Variants in BNC2 observed in about 807,000 individuals in gnomAD.
BNC2 encodes basonuclin zinc finger protein 2, also known as zinc finger protein basonuclin-2.
Under a neutral mutation model 76.3 loss-of-function variants are expected in BNC2, and 20 were observed. The ratio of observed to expected loss-of-function variants is 0.26; its 90% CI spans 0.18 to 0.38. BNC2 has a LOEUF of 0.38. Among genes scored for constraint, BNC2 ranks in the 10% least tolerant of loss-of-function variants. The probability of loss-of-function intolerance (pLI) is 1.00; values close to 1 mark genes in which losing one functional copy is unlikely to be tolerated. For missense variants in BNC2, 1,382 were observed against 1,399.8 expected (o/e 0.99, Z 0.20); for synonymous variants, 582 against 514.8 (o/e 1.13, Z -1.77).
chr9:16,605,239 T>C (rs1263016874), intron 3 of BNC2, among the ~76,000 whole-genome samples: 1 of 152,252 alleles, frequency 6.6e-6, no homozygotes, highest in East Asian at 1.9e-4. Context: ...ATATTTCTAC[T>C]TATTTGCATA....
At chr9:16,506,713 AC>A (rs1207677241) in intron 5 of BNC2, among the ~76,000 whole-genome samples, 2 of 146,984 alleles carry the variant, frequency 1.4e-5, no homozygotes, top group Non-Finnish European at 3.0e-5. Flanking sequence ...TTTAGTTGAG[AC>A]GGGGTTTCAC....
At chr9:16,779,079 G>C (rs1826046480) in intron 1 of BNC2, among the ~76,000 whole-genome samples, 1 of 117,234 alleles carries the variant, frequency 8.5e-6, no homozygotes. Flanking sequence ...AGGAGTTCAA[G>C]ACCAACCTAG....
chr9:16,525,153 T>G (rs1040684048), intron 5 of BNC2, among the ~76,000 whole-genome samples: 8 of 145,936 alleles, frequency 5.5e-5, no homozygotes, highest in African/African-American at 1.6e-4. Flanking sequence ...GATAACTAGA[T>G]AACATTAACT....
At chr9:16,638,499 CA>C (rs796783309) in intron 3 of BNC2, among the ~76,000 whole-genome samples, 38 of 151,996 alleles carry the variant, frequency 2.5e-4, no homozygotes, top group African/African-American at 9.2e-4. Flanking sequence ...GTTAAACACC[CA>C]AAAAAAGTCT....
intron 3 of BNC2, among the ~76,000 whole-genome samples, chr9:16,634,395 A>C (rs1821253915): frequency 6.6e-6 from 1 of 152,198 alleles, no homozygotes; most frequent in African/African-American, 2.4e-5. Flanking sequence ...TAGTCACATG[A>C]AGTCTGGATA....
At chr9:16,859,778 C>G (rs752281546) in intron 1 of BNC2, among the ~76,000 whole-genome samples, 2 of 152,224 alleles carry the variant, frequency 1.3e-5, no homozygotes, top group African/African-American at 4.8e-5. Context: ...TTCTAGAGAT[C>G]TGCTGTACGT....
rs546869799 is a variant in BNC2 at position 16,755,532 on chromosome 9, A to AC, written c.4-17048dup. Among the ~76,000 whole-genome samples, 53 of 151,124 alleles carry AC rather than the reference A, an allele frequency of 3.5e-4. No individual in the cohort carries two copies. In the South Asian group the frequency reaches 6.8e-3, roughly 19 times the overall value. On this transcript the variant is annotated intron_variant, in intron 1 of 6. Coordinates refer to ENST00000380672, the MANE Select transcript of BNC2 (RefSeq NM_017637.6). ...ATGCAATTATATGACAAAAGAGATG[A>AC]CCCCCCCATCCTTTCTTCCCCATCC...
intron 1 of BNC2, among the ~76,000 whole-genome samples, chr9:16,764,912 G>A (rs1211418384): frequency 1.3e-5 from 2 of 151,442 alleles, no homozygotes; most frequent in Non-Finnish European, 2.9e-5. Context: ...AGGGAAGGAG[G>A]GAGGAGGGAT....
intron 1 of BNC2, among the ~76,000 whole-genome samples, chr9:16,771,289 C>A (rs925957697): frequency 2.0e-5 from 3 of 152,222 alleles, no homozygotes; most frequent in Non-Finnish European, 4.4e-5. Flanking sequence ...TTTGCTGAGA[C>A]TGATAGGCTT....
chr9:16,450,252 C>T (rs1821313675), intron 5 of BNC2, among the ~76,000 whole-genome samples: 1 of 152,136 alleles, frequency 6.6e-6, no homozygotes, highest in Non-Finnish European at 1.5e-5. Flanking sequence ...ATAAAATTTA[C>T]AGGGAAAATT....
chr9:16,471,313 A>G (rs1039661688), intron 5 of BNC2, among the ~76,000 whole-genome samples: 1 of 146,050 alleles, frequency 6.8e-6, no homozygotes, highest in Non-Finnish European at 1.5e-5. Flanking sequence ...TTTTTTTTTA[A>G]GATAGAGTCT....
chr9:16,630,967 G>C (rs901918443), intron 3 of BNC2, among the ~76,000 whole-genome samples: 4 of 152,058 alleles, frequency 2.6e-5, no homozygotes, highest in African/African-American at 9.7e-5. Flanking sequence ...TCGAACTCCT[G>C]ATCTCAGGTG....
At chr9:16,640,335 C>T (rs1426363461) in intron 3 of BNC2, among the ~76,000 whole-genome samples, 1 of 152,120 alleles carries the variant, frequency 6.6e-6, no homozygotes, top group East Asian at 1.9e-4. Flanking sequence ...ATTTCATATC[C>T]AGATCATCTA....
chr9:16,537,853 C>T (rs112545654), intron 5 of BNC2, among the ~76,000 whole-genome samples: 31 of 152,282 alleles, frequency 2.0e-4, no homozygotes, highest in East Asian at 1.4e-3. Flanking sequence ...ATAAATCATA[C>T]GTGAAAACCC....
At chr9:16,530,644 T>A (rs995451664) in intron 5 of BNC2, among the ~76,000 whole-genome samples, 1 of 152,244 alleles carries the variant, frequency 6.6e-6, no homozygotes, top group Non-Finnish European at 1.5e-5. Flanking sequence ...GCATTAACTT[T>A]TTGCATTTGT....
chr9:16,715,525 G>A (rs1420071709), intron 3 of BNC2, among the ~76,000 whole-genome samples: 1 of 152,180 alleles, frequency 6.6e-6, no homozygotes, highest in East Asian at 1.9e-4. Flanking sequence ...CTGCAGATGA[G>A]TTTTGTTTAG....
intron 1 of BNC2, among the ~76,000 whole-genome samples, chr9:16,835,373 G>A (rs1378842046): frequency 6.6e-6 from 1 of 152,120 alleles, no homozygotes. Flanking sequence ...ATTTGATAGA[G>A]AAGGAAACCT....
At chr9:16,626,134 T>C (rs1233234696) in intron 3 of BNC2, 1 of 152,116 alleles carries the variant, frequency 6.6e-6, no homozygotes, top group African/African-American at 2.4e-5. Flanking sequence ...GTACTGAAAA[T>C]TGTCTTGTAA....
chr9:16,585,226 TA>T (rs1200048860), intron 3 of BNC2, among the ~76,000 whole-genome samples: 1 of 152,196 alleles, frequency 6.6e-6, no homozygotes, highest in African/African-American at 2.4e-5. Flanking sequence ...TATGTGTATT[TA>T]TTTTTTTTAC....
Sources: allele counts gnomAD v4.1 joint callset (sites outside exome capture counted in the v4.1 genomes callset), GRCh38; gene constraint gnomAD v4.1.1; transcripts MANE v1.5; gene names NCBI Gene and HGNC (gene_info 2026-07-23, HGNC 2026-07-21).